The following RCOR1 variants were observed in gnomAD, a reference collection of about 807,000 sequenced individuals.
The protein encoded by RCOR1 is REST corepressor.
In RCOR1, 12 loss-of-function variants were observed where a neutral mutation model predicts 64.0. The observed-to-expected ratio is 0.19, with a 90% CI of 0.12 to 0.30. The LOEUF (loss-of-function observed/expected upper bound fraction) is 0.30, where lower values mean the gene tolerates loss of function less well. Among genes scored for constraint, RCOR1 ranks in the 10% least tolerant of loss-of-function variants. The pLI, the probability that RCOR1 is intolerant of heterozygous loss-of-function variation, is 1.00. For synonymous variants in RCOR1, 279 were observed against 227.2 expected (o/e 1.23, Z -2.05); for missense variants, 502 against 621.2 (o/e 0.81, Z 2.04).
chr14:102,658,271 G>A (rs939439213), intron 2 of RCOR1, among the ~76,000 whole-genome samples: 6 of 151,992 alleles, frequency 3.9e-5, no homozygotes, highest in African/African-American at 1.4e-4. Flanking sequence ...CACTGTGCTG[G>A]GCCTTCTTTT....
At chr14:102,652,232 A>C (rs760538565) in intron 2 of RCOR1, among the ~76,000 whole-genome samples, 18 of 152,198 alleles carry the variant, frequency 1.2e-4, no homozygotes, top group Non-Finnish European at 1.9e-4. Context: ...ATTTTTATAG[A>C]AGAGAAAATT....
chr14:102,724,013 TTAAG>T (rs1469703127), intron 11 of RCOR1, among the ~76,000 whole-genome samples: 3 of 152,172 alleles, frequency 2.0e-5, no homozygotes, highest in Non-Finnish European at 4.4e-5. Flanking sequence ...GTTGACTGAC[TTAAG>T]TGAGTCAAGT....
At chr14:102,595,689 C>T (rs994114494) in intron 2 of RCOR1, among the ~76,000 whole-genome samples, 1 of 151,878 alleles carries the variant, frequency 6.6e-6, no homozygotes, top group Non-Finnish European at 1.5e-5. Flanking sequence ...ACGCCATTCT[C>T]CTGCCTCAGC....
chr14:102,637,661 G>A (rs76822862), intron 2 of RCOR1, among the ~76,000 whole-genome samples: 3,558 of 151,606 alleles, frequency 0.023, 133 homozygotes, highest in African/African-American at 0.077. Context: ...TGTTGCCCAG[G>A]TAGTCTCGAA....
At chr14:102,664,524 A>T (rs1411268754) in intron 2 of RCOR1, among the ~76,000 whole-genome samples, 1 of 152,218 alleles carries the variant, frequency 6.6e-6, no homozygotes, top group East Asian at 1.9e-4. Flanking sequence ...TATGCCCTTA[A>T]AGGGTAGAGT....
chr14:102,684,086 G>A (rs987046036), intron 3 of RCOR1, among the ~76,000 whole-genome samples: 2 of 152,216 alleles, frequency 1.3e-5, no homozygotes, highest in Non-Finnish European at 2.9e-5. Flanking sequence ...CTGAGCGCTA[G>A]GAACAGGTTC....
At chr14:102,663,893 C>T (rs1045285135) in intron 2 of RCOR1, among the ~76,000 whole-genome samples, 2 of 152,114 alleles carry the variant, frequency 1.3e-5, no homozygotes, top group Non-Finnish European at 2.9e-5. Flanking sequence ...TAGAGAAAAT[C>T]GATTCCCAGT....
At chr14:102,677,070 G>A (rs1385274478) in intron 2 of RCOR1, among the ~76,000 whole-genome samples, 2 of 123,992 alleles carry the variant, frequency 1.6e-5, no homozygotes, top group African/African-American at 6.6e-5. Context: ...GCGGCTGGCC[G>A]GGCAGAGGGG....
intron 2 of RCOR1, among the ~76,000 whole-genome samples, chr14:102,634,900 G>C (rs984630583): frequency 1.5e-4 from 22 of 150,014 alleles, no homozygotes; most frequent in Non-Finnish European, 3.1e-4. Flanking sequence ...TACAGAAGGG[G>C]TTTCACCACG....
chr14:102,656,146 AT>A (rs143390089), intron 2 of RCOR1: 1,096 of 865,396 alleles, frequency 1.3e-3, no homozygotes, highest in Middle Eastern at 1.8e-3. Flanking sequence ...TATTTTTTTT[AT>A]TTTTTTTTTG....
chr14:102,662,709 C>G (rs1894849172), intron 2 of RCOR1: 1 of 432,000 alleles, frequency 2.3e-6, no homozygotes, highest in Non-Finnish European at 4.4e-6. Flanking sequence ...TCGGTGCCAT[C>G]TTGTGAAAAG....
chr14:102,678,758 G>C (rs1472563158), intron 2 of RCOR1, among the ~76,000 whole-genome samples: 1 of 152,178 alleles, frequency 6.6e-6, no homozygotes, highest in Admixed American at 6.5e-5. Context: ...CAGTGTATGA[G>C]AATTTCAGTT....
intron 3 of RCOR1, chr14:102,695,369 C>T (rs1203938001): frequency 7.5e-6 from 1 of 134,188 alleles, no homozygotes; most frequent in Non-Finnish European, 1.6e-5. Flanking sequence ...CTTCTCTCCT[C>T]AAGAGATAGA....
chr14:102,623,527 G>A (rs1442171453), intron 2 of RCOR1, among the ~76,000 whole-genome samples: 2 of 151,574 alleles, frequency 1.3e-5, no homozygotes, highest in African/African-American at 4.8e-5. Context: ...TCCTGCCTCA[G>A]CCTCCCGAGT....
At position 102,681,944 on chromosome 14, in the gene RCOR1, C is replaced by T. The variant is rs1470917206; in HGVS notation, c.411C>T (p.Val137=). 1 of 1,613,834 alleles carries T rather than the reference C, an allele frequency of 6.2e-7. No homozygotes were observed. Among genetic ancestry groups the T allele is most frequent in the African/African-American group, 1.3e-5 (1 of 75,054 alleles). The change falls in exon 3 of 12, where the codon GTC becomes GTT. Residue 137 remains valine (V), a synonymous_variant. Coordinates refer to ENST00000262241, the MANE Select transcript of RCOR1 (RefSeq NM_015156.4). ...AACGGGACAATCTTGGCATGTTGGT[C>T]TGGTCACCCAATCAAAATCTGTCAG... ...SQERDNLGML[V]WSPNQNLSEA... is the part of the protein sequence containing the mutation.
chr14:102,711,879 C>G (rs1437189586), intron 7 of RCOR1, among the ~76,000 whole-genome samples: 1 of 152,050 alleles, frequency 6.6e-6, no homozygotes, highest in South Asian at 2.1e-4. Context: ...GTGACTTTTT[C>G]CTGAGAACTC....
intron 2 of RCOR1, among the ~76,000 whole-genome samples, chr14:102,634,191 G>T (rs1024252179): frequency 2.0e-5 from 3 of 152,032 alleles, no homozygotes; most frequent in Admixed American, 6.6e-5. Flanking sequence ...CATGTAATAG[G>T]CTCCTTATTA....
intron 4 of RCOR1, among the ~76,000 whole-genome samples, chr14:102,703,902 C>T (rs1895798108): frequency 6.6e-6 from 1 of 152,250 alleles, no homozygotes; most frequent in South Asian, 2.1e-4. Context: ...TTCTTCTTCA[C>T]CTCCCTGCTG....
intron 2 of RCOR1, among the ~76,000 whole-genome samples, chr14:102,628,443 C>T (rs1397237923): frequency 6.6e-6 from 1 of 152,010 alleles, no homozygotes; most frequent in East Asian, 1.9e-4. Flanking sequence ...GCTCCACTAC[C>T]CGCTCCCCCG....
Sources: allele counts gnomAD v4.1 joint callset (sites outside exome capture counted in the v4.1 genomes callset), GRCh38; gene constraint gnomAD v4.1.1; transcripts MANE v1.5; gene names NCBI Gene and HGNC (gene_info 2026-07-23, HGNC 2026-07-21).